DENND5A: variants seen among roughly 807,000 people sequenced by gnomAD.
DENND5A encodes the protein DENN domain containing 5A, also known as DENN domain-containing protein 5A.
DENND5A carries 64 observed loss-of-function variants against 140.3 expected under a neutral mutation model. The ratio of observed to expected loss-of-function variants is 0.46; its 90% CI spans 0.37 to 0.56. The LOEUF (loss-of-function observed/expected upper bound fraction) is 0.56. Ranked by LOEUF, DENND5A falls within the 20% of genes least tolerant of loss-of-function variation. DENND5A has a pLI of 0.00. For missense variants in DENND5A, 1,292 were observed against 1,593.8 expected (o/e 0.81, Z 3.22); for synonymous variants, 605 against 607.7 (o/e 1.00, Z 0.07).
intron 3 of DENND5A, among the ~76,000 whole-genome samples, chr11:9,204,842 C>T (rs1329622046): frequency 6.6e-6 from 1 of 152,110 alleles, no homozygotes; most frequent in Non-Finnish European, 1.5e-5. Context: ...GCCTGAGCGA[C>T]AGAGCAAGAC....
chr11:9,174,745 C>A (rs1848494025), intron 8 of DENND5A, among the ~76,000 whole-genome samples: 1 of 151,112 alleles, frequency 6.6e-6, no homozygotes, highest in Admixed American at 6.7e-5. Context: ...ACCATATTAA[C>A]AAACTAAAGC....
chr11:9,259,652 T>A (rs891047227), intron 1 of DENND5A, among the ~76,000 whole-genome samples: 4 of 152,038 alleles, frequency 2.6e-5, no homozygotes, highest in Non-Finnish European at 5.9e-5. Flanking sequence ...CCAAGCATCA[T>A]CCTGCCTCAG....
intron 1 of DENND5A, among the ~76,000 whole-genome samples, chr11:9,245,998 A>G (rs1041670463): frequency 2.0e-5 from 3 of 152,102 alleles, no homozygotes; most frequent in African/African-American, 7.2e-5. Flanking sequence ...ACGTTTTTCT[A>G]CCAAAGTTAA....
chr11:9,244,696 G>A (rs1050261626), intron 1 of DENND5A, among the ~76,000 whole-genome samples: 11 of 151,968 alleles, frequency 7.2e-5, no homozygotes, highest in Admixed American at 2.0e-4. Context: ...TATTTTTGGA[G>A]ATAAGGTCTG....
Position 9,139,529 on chromosome 11 carries a change from C to T in DENND5A, c.*142G>A, listed in dbSNP as rs896019716. 3 of 721,738 alleles carry T rather than the reference C, an allele frequency of 4.2e-6. No homozygotes were observed. Among genetic ancestry groups the T allele is most frequent in the Non-Finnish European group, 6.6e-6 (3 of 451,970 alleles). 44.7% of individuals were successfully genotyped at this position (721,738 alleles called of 1,614,324 possible). A position where few individuals can be genotyped will look rare whatever the true frequency, so the allele number is the denominator to read the frequency against. Reference sequence around the variant, plus strand: ...AAACTCTAAAATAGATTATTTATTCCAAAAATCCTCTAGTTTTCTTTTTAC... The same window carrying T: ...AAACTCTAAAATAGATTATTTATTCTAAAAATCCTCTAGTTTTCTTTTTAC... On this transcript the variant is annotated 3_prime_UTR_variant, in exon 23 of 23. Transcript: ENST00000328194.
At position 9,213,111 on chromosome 11, in the gene DENND5A, C is replaced by A. The variant is rs1849944032; in HGVS notation, c.110-5479G>T. On this transcript the variant is annotated intron_variant, in intron 1 of 22. Transcript: ENST00000328194. ...ATCCACCTCCCAGGTTCAAGTGATT[C>A]TCCTTCCTCGGCCTCCCGAGTAGCT... is the stretch of plus-strand genomic sequence containing the variant. Among the ~76,000 whole-genome samples the A allele has an allele frequency of 6.7e-5, 10 of 149,540 alleles. No individual in the cohort carries two copies. The Admixed American group carries it at 6.8e-4, about 10-fold the overall frequency.
At position 9,144,105 on chromosome 11, in the gene DENND5A, T is replaced by C; in HGVS notation, c.3296A>G (p.Asn1099Ser). 1 of 1,613,298 alleles carries C rather than the reference T, an allele frequency of 6.2e-7. No homozygotes were observed. Among genetic ancestry groups the C allele is most frequent in the Non-Finnish European group, 8.5e-7 (1 of 1,179,620 alleles). ...IRRLVTISPN[N>S]KPKLNTGQIQ... ...CCCCTCCTCCCACTTACTGGGCTTG[T>C]TGTTGGGTGAGATGGTAACAAGCCT... is the stretch of plus-strand genomic sequence containing the variant. Residue 1099 changes from asparagine (N) to serine (S), a missense_variant, in exon 19 of 23, where the codon AAC (asparagine) becomes AGC (serine). By Grantham distance (46) the Asn-to-Ser change is conservative. Transcript: ENST00000328194.
At chr11:9,224,946 G>C (rs1850471128) in intron 1 of DENND5A, among the ~76,000 whole-genome samples, 1 of 151,804 alleles carries the variant, frequency 6.6e-6, no homozygotes, top group Non-Finnish European at 1.5e-5. Context: ...GAGTGCTAGG[G>C]TCAGAGCCAT....
At chr11:9,213,816 A>AAAAAAAAAAAAAAAAAG (rs1326114808) in intron 1 of DENND5A, among the ~76,000 whole-genome samples, 3 of 150,094 alleles carry the variant, frequency 2.0e-5, no homozygotes, top group African/African-American at 7.4e-5. Context: ...CCCAAAAAAA[A>AAAAAAAAAAAAAAAAAG]AAGAAGAAGA....
Position 9,139,575 on chromosome 11 carries a change from C to G in DENND5A, c.*96G>C. On this transcript the variant is annotated 3_prime_UTR_variant, in exon 23 of 23. Coordinates refer to ENST00000328194, the MANE Select transcript of DENND5A (RefSeq NM_015213.4). ...TTTACAGTGAGTGTACATTTTGTCT[C>G]CTACTCCTGCACAATCGCTTAAGTC... The G allele has an allele frequency of 8.8e-7, 1 of 1,137,470 alleles. No individual in the cohort carries two copies. The highest frequency in any genetic ancestry group is 1.6e-5 in the South Asian group (1 of 64,190). 70.5% of individuals were successfully genotyped at this position (1,137,470 alleles called of 1,614,324 possible). A position where few individuals can be genotyped will look rare whatever the true frequency, so the allele number is the denominator to read the frequency against.
intron 5 of DENND5A, among the ~76,000 whole-genome samples, chr11:9,191,939 G>A (rs1349410881): frequency 1.3e-5 from 2 of 152,058 alleles, no homozygotes; most frequent in Non-Finnish European, 2.9e-5. Context: ...GACTCTTCAG[G>A]TTTATGTATG....
intron 11 of DENND5A, among the ~76,000 whole-genome samples, chr11:9,164,651 C>T (rs901425470): frequency 6.6e-6 from 1 of 152,090 alleles, no homozygotes; most frequent in Non-Finnish European, 1.5e-5. Context: ...AACACCCAAA[C>T]AATCTAAGCT....
chr11:9,158,453 T>A (rs1304084533), intron 12 of DENND5A, among the ~76,000 whole-genome samples: 1 of 151,336 alleles, frequency 6.6e-6, no homozygotes, highest in Non-Finnish European at 1.5e-5. Context: ...CAAGCTGAGG[T>A]GGGAGACTCA....
At chr11:9,200,508 T>C (rs1849487174) in intron 4 of DENND5A, among the ~76,000 whole-genome samples, 1 of 152,368 alleles carries the variant, frequency 6.6e-6, no homozygotes, top group South Asian at 2.1e-4. Flanking sequence ...TTATTGCCAA[T>C]ATTTAAAAAT....
In DENND5A at chr11:9,264,992, C is replaced by G. The variant is rs1352893499; in HGVS notation, c.78G>C (p.Thr26=). 2 of 1,588,678 alleles carry G rather than the reference C, an allele frequency of 1.3e-6. No individual in the cohort carries two copies. Among genetic ancestry groups the G allele is most frequent in the East Asian group, 2.4e-5 (1 of 42,448 alleles). ...ADYFVICGLD[T]ETGLEPDELS... ...GCTCGTCCGGCTCCAGCCCGGTCTC[C>G]GTGTCCAGTCCGCAGATGACAAAGT... is the stretch of plus-strand genomic sequence containing the variant. Residue 26 remains threonine (T), a synonymous_variant, in exon 1 of 23, where the codon ACG becomes ACC. Coordinates refer to ENST00000328194, the MANE Select transcript of DENND5A (RefSeq NM_015213.4).
At chr11:9,178,104 T>G (rs1279351737) in intron 8 of DENND5A, 28 bp downstream of exon 8, 1 of 1,464,232 alleles carries the variant, frequency 6.8e-7, no homozygotes, top group South Asian at 1.1e-5. Flanking sequence ...CCAAGAGGCC[T>G]GAATGTACAT....
intron 1 of DENND5A, among the ~76,000 whole-genome samples, chr11:9,241,239 A>G (rs1590325067): frequency 6.6e-6 from 1 of 152,186 alleles, no homozygotes; most frequent in East Asian, 1.9e-4. Context: ...CGTAACATTA[A>G]AACTCTTACA....
At chr11:9,246,250 G>A (rs1851465911) in intron 1 of DENND5A, among the ~76,000 whole-genome samples, 1 of 152,154 alleles carries the variant, frequency 6.6e-6, no homozygotes, top group African/African-American at 2.4e-5. Flanking sequence ...CTTAAAATGT[G>A]TCCCTGAGCT....
intron 1 of DENND5A, among the ~76,000 whole-genome samples, chr11:9,238,804 T>G (rs1851111063): frequency 6.6e-6 from 1 of 151,654 alleles, no homozygotes; most frequent in Admixed American, 6.6e-5. Context: ...GAGTGAATTA[T>G]TTCCACATCC....
Sources: allele counts gnomAD v4.1 joint callset (sites outside exome capture counted in the v4.1 genomes callset), GRCh38; gene constraint gnomAD v4.1.1; transcripts MANE v1.5; gene names NCBI Gene and HGNC (gene_info 2026-07-23, HGNC 2026-07-21).